Variants in ASIC4 observed in about 807,000 individuals in gnomAD.
The protein encoded by ASIC4 is acid-sensing ion channel 4.
ASIC4 carries 28 observed loss-of-function variants against 53.4 expected under a neutral mutation model. The observed-to-expected ratio is 0.52, with a 90% CI of 0.39 to 0.72. The LOEUF is 0.72. Among genes scored for constraint, ASIC4 ranks in the 30% least tolerant of loss-of-function variants. The pLI is 0.00. For missense variants in ASIC4, 649 were observed against 729.7 expected (o/e 0.89, Z 1.27); for synonymous variants, 289 against 301.4 (o/e 0.96, Z 0.43).
intron 3 of ASIC4, 21 bp from the exon 4 acceptor site, chr2:219,532,294 C>G: frequency 1.2e-6 from 2 of 1,604,264 alleles, no homozygotes; most frequent in South Asian, 1.1e-5. Flanking sequence ...AGCATGACCT[C>G]ATCATGCCCC....
At chr2:219,509,492 C>T (rs952066612), upstream of ASIC4, among the ~76,000 whole-genome samples, 3 of 152,144 alleles carry the variant, frequency 2.0e-5, no homozygotes, top group African/African-American at 4.8e-5. The surrounding 1 kb of genome is among the most constrained non-coding windows in gnomAD (Gnocchi z 5.2). Context: ...TGCAATTACC[C>T]GGCCCCGCCT....
At chr2:219,512,243 C>T (rs951436928), upstream of ASIC4, among the ~76,000 whole-genome samples, 3 of 152,088 alleles carry the variant, frequency 2.0e-5, no homozygotes, top group Non-Finnish European at 4.4e-5. Flanking sequence ...TTGAAGGCAT[C>T]CTGCCTACCC....
rs761353518 is a variant in ASIC4, at chr2:219,538,319, G to A, written c.*273G>A. ...GAAGGGAAGGAAGGAGAGGGAGGGG[G>A]AGGATAGAGCCCATCCCAGCCGGGG... is the stretch of plus-strand genomic sequence containing the variant. On this transcript the variant is annotated 3_prime_UTR_variant, in exon 10 of 10. Coordinates refer to ENST00000358078, the MANE Select transcript of ASIC4 (RefSeq NM_018674.6). 2.7e-4 allele frequency: 117 copies of A among 429,486 alleles called. No individual in the cohort carries two copies. The highest frequency in any genetic ancestry group is 6.5e-4 in the Admixed American group (16 of 24,724). The allele number at this position is 429,486 out of a possible 1,614,324, so 26.6% of individuals were successfully genotyped here. A position where few individuals can be genotyped will look rare whatever the true frequency, so the allele number is the denominator to read the frequency against.
At chr2:219,526,831 A>C (rs1379419120) in intron 1 of ASIC4, among the ~76,000 whole-genome samples, 1 of 152,164 alleles carries the variant, frequency 6.6e-6, no homozygotes, top group Non-Finnish European at 1.5e-5. Flanking sequence ...TTGGGAGGAC[A>C]CATGCCCCAG....
chr2:219,525,008 C>G (rs183434225), intron 1 of ASIC4, among the ~76,000 whole-genome samples: 1 of 152,222 alleles, frequency 6.6e-6, no homozygotes, highest in African/African-American at 2.4e-5. Flanking sequence ...TACCATTCCC[C>G]TTTTACAGAT....
At chr2:219,525,121 A>T (rs148696052) in intron 1 of ASIC4, among the ~76,000 whole-genome samples, 3 of 152,304 alleles carry the variant, frequency 2.0e-5, no homozygotes, top group African/African-American at 7.2e-5. Flanking sequence ...AGCCTACAAA[A>T]TATATGCCCC....
chr2:219,531,995 G>A lies in ASIC4; in HGVS notation c.728-6G>A. On this transcript the variant is annotated splice_region_variant and splice_polypyrimidine_tract_variant and intron_variant, in intron 2 of 9. Coordinates refer to ENST00000358078, the MANE Select transcript of ASIC4 (RefSeq NM_018674.6). ...GTTTCCAAAGGTCCCCATCTCTGCT[G>A]TGCAGATGAGACGTCGTTTGAGGCA... 6.2e-7 allele frequency: 1 copy of A among 1,614,192 alleles called. No individual in the cohort carries two copies. Among genetic ancestry groups the A allele is most frequent in the Non-Finnish European group, 8.5e-7 (1 of 1,179,994 alleles).
Position 219,537,995 on chromosome 2 carries a change from C to T in ASIC4, c.1569C>T (p.His523=). The T allele has an allele frequency of 6.2e-7, 1 of 1,612,702 alleles. No individual in the cohort carries two copies. The stretch of plus-strand genomic sequence containing the variant: ...GGGTCAGCAGTCTGCTCCCCAATCA[C>T]CACCACCCCCACGGTCCCCCAGGAG... ...GGGVSSLLPN[H]HHPHGPPGGL... Residue 523 remains histidine (H), a synonymous_variant, in exon 10 of 10, where the codon CAC becomes CAT. Coordinates refer to ENST00000358078, the MANE Select transcript of ASIC4 (RefSeq NM_018674.6). The surrounding 1 kb of genome is among the most constrained non-coding windows in gnomAD (Gnocchi z 4.9).
chr2:219,528,208 C>T (rs576389169), intron 1 of ASIC4, among the ~76,000 whole-genome samples: 26 of 152,314 alleles, frequency 1.7e-4, no homozygotes, highest in Admixed American at 9.2e-4. Flanking sequence ...TCCCACACCA[C>T]CAGGACCCAG....
In ASIC4 at chr2:219,537,647, C is replaced by T. The variant is rs760289929; in HGVS notation, c.1417C>T (p.Leu473=). 2 of 1,613,252 alleles carry T rather than the reference C, an allele frequency of 1.2e-6. No individual in the cohort carries two copies. The highest frequency in any genetic ancestry group is 1.1e-5 in the South Asian group (1 of 90,988). The change falls in exon 9 of 10, where the codon CTG becomes TTG. Residue 473 remains leucine (L), a synonymous_variant. Coordinates refer to ENST00000358078, the MANE Select transcript of ASIC4 (RefSeq NM_018674.6). This position sits in a 1 kb window ranked among gnomAD's most constrained non-coding sequence, Gnocchi z 4.9. ...GAACCCCAAGGTGTCCTGGGATCGA[C>T]TGAAGCGGGTATGGAGGCGTCCCAA... The part of the protein sequence containing the change: ...DYIYEVSWDR[L]KRVWRRPKTP...
chr2:219,532,903 C>A lies in ASIC4; in HGVS notation c.1039C>A (p.Pro347Thr). 1 of 1,613,944 alleles carries A rather than the reference C, an allele frequency of 6.2e-7. No individual in the cohort carries two copies. The highest frequency in any genetic ancestry group is 8.5e-7 in the Non-Finnish European group (1 of 1,179,868). Residue 347 changes from proline to threonine, a missense_variant, in exon 5 of 10, where the codon CCA becomes ACA. Coordinates refer to ENST00000358078, the MANE Select transcript of ASIC4 (RefSeq NM_018674.6). Reference sequence around the variant, plus strand: ...TTCAGGCAATGAGACCATCTGCCCACCAAATATCTACATCGAGTGTGCAGA... The same window carrying A: ...TTCAGGCAATGAGACCATCTGCCCAACAAATATCTACATCGAGTGTGCAGA... The part of the protein sequence containing the change: ...HMPGNETICP[P>T]NIYIECADHT...
Position 219,519,274 on chromosome 2 carries a change from A to G in ASIC4, c.582+3968A>G. 2.0e-5 allele frequency among the ~76,000 whole-genome samples: 3 copies of G among 152,236 alleles called. 1 individual carries two copies. The East Asian group carries it at 5.8e-4, about 29-fold the overall frequency. ...GCTTAGCACACTACCTGGCACACAC[A>G]TCGTATACTCTGTGTAAGCGTCAGC... On this transcript the variant is annotated intron_variant, in intron 1 of 9. Transcript: ENST00000358078.
intron 5 of ASIC4, chr2:219,534,167 C>G (rs1695090144): frequency 6.6e-6 from 1 of 152,176 alleles, no homozygotes; most frequent in Non-Finnish European, 1.5e-5. Context: ...ACTGGCGAAG[C>G]TGGCTGCAGT....
At chr2:219,532,676 C>T (rs1695062779) in intron 4 of ASIC4, 199 bp downstream of exon 4, 1 of 840,138 alleles carries the variant, frequency 1.2e-6, no homozygotes, top group African/African-American at 1.7e-5. Context: ...ATGCAGATGC[C>T]TGTGTGCATG....
In ASIC4 at chr2:219,532,441, C is replaced by T. The variant is rs779930529; in HGVS notation, c.982C>T (p.Leu328Phe). 6.2e-7 allele frequency: 1 copy of T among 1,613,712 alleles called. No individual in the cohort carries two copies. Among genetic ancestry groups the T allele is most frequent in the South Asian group, 1.1e-5 (1 of 91,066 alleles). The change falls in exon 4 of 10, where the codon CTT becomes TTT. Residue 328 changes from leucine to phenylalanine, a missense_variant. By Grantham distance (22) the Leu-to-Phe change is conservative (BLOSUM62 0). Transcript: ENST00000358078. ...GCTGCGCTGTGAAAAGGAGGCCGTG[C>T]TTCAGCGCTGCCACTGCCGGATGGT... ...CRLRCEKEAV[L>F]QRCHCRMVHM...
Position 219,532,011 on chromosome 2 carries a change from G to T in ASIC4, c.738G>T (p.Ser246=). ...ATCTCTGCTGTGCAGATGAGACGTC[G>T]TTTGAGGCAGGTATTCGGGTGCAGA... ...LPIWRETNET[S]FEAGIRVQIH... The change falls in exon 3 of 10, where the codon TCG becomes TCT. Residue 246 remains serine, a synonymous_variant. Coordinates refer to ENST00000358078, the MANE Select transcript of ASIC4 (RefSeq NM_018674.6). 1 of 1,614,226 alleles carries T rather than the reference G, an allele frequency of 6.2e-7. No individual in the cohort carries two copies. The highest frequency in any genetic ancestry group is 8.5e-7 in the Non-Finnish European group (1 of 1,180,034).
At position 219,532,310 on chromosome 2, in the gene ASIC4, T is replaced by G; in HGVS notation, c.856-5T>G. On this transcript the variant is annotated splice_region_variant and splice_polypyrimidine_tract_variant and intron_variant, in intron 3 of 9. Transcript: ENST00000358078. The stretch of plus-strand genomic sequence containing the variant: ...GCATGACCTCATCATGCCCCACCTC[T>G]GCAGCTGACCTACCTGCCCCAGCCC... 1 of 1,608,740 alleles carries G rather than the reference T, an allele frequency of 6.2e-7. No homozygotes were observed. The highest frequency in any genetic ancestry group is 1.3e-5 in the African/African-American group (1 of 74,960).
intron 1 of ASIC4, among the ~76,000 whole-genome samples, chr2:219,524,978 G>A (rs932363519): frequency 2.3e-4 from 35 of 152,258 alleles, no homozygotes; most frequent in African/African-American, 8.2e-4. Context: ...ATCCTCTCAT[G>A]TAACTTTAGG....
At position 219,537,497 on chromosome 2, in the gene ASIC4, T is replaced by C. The variant is rs6726488; in HGVS notation, c.1402-135T>C. ...CTCAGAGTCAGGAGAAGGGGATGGGTGAGGAGGAGGAGGGTGTCCTACTGG... is the reference window on the plus strand; with the variant it reads ...CTCAGAGTCAGGAGAAGGGGATGGGCGAGGAGGAGGAGGGTGTCCTACTGG... On this transcript the variant is annotated intron_variant, in intron 8 of 9. Coordinates refer to ENST00000358078, the MANE Select transcript of ASIC4 (RefSeq NM_018674.6). This position sits in a 1 kb window ranked among gnomAD's most constrained non-coding sequence, Gnocchi z 4.9. 1,851 of 1,026,704 alleles carry C rather than the reference T, an allele frequency of 1.8e-3. 18 individuals are homozygous for C. The African/African-American group carries it at 0.027, about 15-fold the overall frequency. 63.6% of individuals were successfully genotyped at this position (1,026,704 alleles called of 1,614,324 possible).
Sources: allele counts gnomAD v4.1 joint callset (sites outside exome capture counted in the v4.1 genomes callset), GRCh38; gene constraint gnomAD v4.1.1; non-coding constraint Gnocchi (gnomAD v3.1); transcripts MANE v1.5; gene names NCBI Gene and HGNC (gene_info 2026-07-23, HGNC 2026-07-21).